BICRA: variants seen among roughly 807,000 people sequenced by gnomAD.
BICRA encodes BRD4 interacting chromatin remodeling complex associated protein.
A neutral mutation model predicts 96.9 loss-of-function variants in BICRA; 31 were observed. That is an observed-to-expected ratio of 0.32 (90% CI 0.24 to 0.43). The LOEUF is 0.43. BICRA is among the 20% of genes least tolerant of loss of function. BICRA has a pLI of 1.00. For synonymous variants in BICRA, 1,350 were observed against 1,071.8 expected, an observed-to-expected ratio of 1.26 and a Z score of -5.07; for missense variants, 2,283 against 2,190.3, an observed-to-expected ratio of 1.04 and a Z score of -0.84.
At chr19:47,631,875 G>A (rs185329832) in intron 1 of BICRA, among the ~76,000 whole-genome samples, 4 of 152,132 alleles carry the variant, frequency 2.6e-5, no homozygotes, top group East Asian at 1.9e-4. Flanking sequence ...TCTCAAAGTC[G>A]TGACCTCAGG....
At position 47,679,586 on chromosome 19, in the gene BICRA, G is replaced by T; in HGVS notation, c.416G>T (p.Gly139Val). The T allele has an allele frequency of 6.5e-7, 1 of 1,539,694 alleles. No homozygotes were observed. ...FQLPTLQPAD[G>V]GAGPTGAGGA... is the part of the protein sequence containing the mutation. ...CTGCCCACCCTGCAGCCTGCGGATGGCGGGGCAGGCCCGACGGGCGCTGGA... is the reference window on the plus strand; with the variant it reads ...CTGCCCACCCTGCAGCCTGCGGATGTCGGGGCAGGCCCGACGGGCGCTGGA... The change falls in exon 6 of 15, where the codon GGC becomes GTC. Residue 139 changes from glycine to valine, a missense_variant. Transcript: ENST00000594866.
chr19:47,644,126 C>T (rs1972422934), intron 1 of BICRA, among the ~76,000 whole-genome samples: 1 of 152,056 alleles, frequency 6.6e-6, no homozygotes, highest in Admixed American at 6.6e-5. Context: ...TCAAGGGATC[C>T]TTCCACCTCA....
At chr19:47,677,293 A>C (rs977360316) in intron 5 of BICRA, among the ~76,000 whole-genome samples, 1 of 152,176 alleles carries the variant, frequency 6.6e-6, no homozygotes, top group Non-Finnish European at 1.5e-5. Flanking sequence ...ATTGGTGGAG[A>C]TGGAAATCTG....
chr19:47,670,957 G>A (rs1432038684), intron 2 of BICRA, among the ~76,000 whole-genome samples: 1 of 152,058 alleles, frequency 6.6e-6, no homozygotes, highest in African/African-American at 2.4e-5. Context: ...AGCCCGGGAG[G>A]CACCTCCCCG....
intron 14 of BICRA, chr19:47,700,692 G>T (rs929687941): frequency 6.6e-6 from 1 of 152,042 alleles, no homozygotes; most frequent in Non-Finnish European, 1.5e-5. Context: ...TACTTGGGAG[G>T]CTGAGGCAGG....
In BICRA at chr19:47,680,944, G is replaced by A. The variant is rs921508964; in HGVS notation, c.1774G>A (p.Ala592Thr). The part of the protein sequence containing the change: ...VLQGVTLPPS[A>T]VAMLNTPDGL... ...CCAGGGGGTCACCCTGCCCCCCAGC[G>A]CCGTGGCCATGCTCAACACCCCCGA... Residue 592 changes from alanine (A) to threonine (T), a missense_variant, in exon 6 of 15, where the codon GCC becomes ACC. Physicochemically the swap from Ala to Thr is moderately conservative, Grantham distance 58. Coordinates refer to ENST00000594866, the MANE Select transcript of BICRA (RefSeq NM_001394372.1). 3.2e-5 allele frequency: 48 copies of A among 1,479,028 alleles called. No homozygotes were observed. The highest frequency in any genetic ancestry group is 4.1e-5 in the Non-Finnish European group (46 of 1,125,370). 91.6% of individuals were successfully genotyped at this position (1,479,028 alleles called of 1,614,324 possible).
intron 1 of BICRA, among the ~76,000 whole-genome samples, chr19:47,633,981 G>A (rs142908781): frequency 5.1e-4 from 78 of 152,274 alleles, no homozygotes; most frequent in African/African-American, 1.7e-3. Context: ...TTCAGAACAC[G>A]TCTCACTCCA....
At chr19:47,685,786 T>TGTGTGTGCGTGC in intron 7 of BICRA, among the ~76,000 whole-genome samples, 4 of 117,930 alleles carry the variant, frequency 3.4e-5, no homozygotes, top group Non-Finnish European at 6.7e-5. Context: ...TGTGTGTGTG[T>TGTGTGTGCGTGC]GCGCGCGCGC....
At chr19:47,639,205 A>G (rs1051271080) in intron 1 of BICRA, among the ~76,000 whole-genome samples, 6 of 150,284 alleles carry the variant, frequency 4.0e-5, no homozygotes, top group Non-Finnish European at 1.5e-5. Flanking sequence ...ATGAGGTTTC[A>G]TCATGTTGCC....
At chr19:47,693,642 T>A (rs1438138661) in intron 7 of BICRA, among the ~76,000 whole-genome samples, 2 of 152,162 alleles carry the variant, frequency 1.3e-5, no homozygotes, top group Non-Finnish European at 2.9e-5. Flanking sequence ...GATGGGCTGG[T>A]GGGGGCTGGC....
chr19:47,677,210 A>C (rs2914440), intron 5 of BICRA, among the ~76,000 whole-genome samples: 131,602 of 152,222 alleles, frequency 0.86, 57,390 homozygotes, highest in East Asian at 1. Flanking sequence ...GGGCCGGGTG[A>C]TACCGTGAAC....
intron 1 of BICRA, among the ~76,000 whole-genome samples, chr19:47,659,685 T>TACACACACACAC (rs10567798): frequency 9.1e-5 from 12 of 132,414 alleles, no homozygotes; most frequent in South Asian, 7.8e-4. Flanking sequence ...TGGTGGTGCA[T>TACACACACACAC]ACACACACAC....
In BICRA at chr19:47,682,168, CA is replaced by C; in HGVS notation, c.2283+17del. Reference sequence around the variant, plus strand: ...GGCCCCCCAGGTAGAGGGACCCCAGCAGCCTGTGTCCGCAGCACAGACCCAG... The same window carrying C: ...GGCCCCCCAGGTAGAGGGACCCCAGCGCCTGTGTCCGCAGCACAGACCCAG... On this transcript the variant is annotated intron_variant, in intron 7 of 14. Transcript: ENST00000594866. 7.8e-7 allele frequency: 1 copy of C among 1,285,856 alleles called. No individual in the cohort carries two copies. 79.7% of individuals were successfully genotyped at this position (1,285,856 alleles called of 1,614,324 possible).
At chr19:47,626,992 G>A (rs1972151433) in intron 1 of BICRA, among the ~76,000 whole-genome samples, 1 of 152,068 alleles carries the variant, frequency 6.6e-6, no homozygotes, top group African/African-American at 2.4e-5. Context: ...AGAGTGCTGG[G>A]ATTACAGGCG....
chr19:47,698,876 C>T lies in BICRA; in HGVS notation c.3398-89C>T, dbSNP rs1375977470. 7.5e-6 allele frequency: 10 copies of T among 1,333,704 alleles called. No individual in the cohort carries two copies. Among genetic ancestry groups the T allele is most frequent in the African/African-American group, 2.9e-5 (2 of 68,954 alleles). 82.6% of individuals were successfully genotyped at this position (1,333,704 alleles called of 1,614,324 possible). A position where few individuals can be genotyped will look rare whatever the true frequency, so the allele number is the denominator to read the frequency against. Reference sequence around the variant, plus strand: ...AGTGTGGAGCCGCAGGTCCACGGTGCGCTATGCTGACCCTGCCCCGCCCTC... The same window carrying T: ...AGTGTGGAGCCGCAGGTCCACGGTGTGCTATGCTGACCCTGCCCCGCCCTC... On this transcript the variant is annotated intron_variant, in intron 12 of 14. Coordinates refer to ENST00000594866, the MANE Select transcript of BICRA (RefSeq NM_001394372.1). This position sits in a 1 kb window ranked among gnomAD's most constrained non-coding sequence, Gnocchi z 4.8.
At chr19:47,645,527 G>T (rs191785445) in intron 1 of BICRA, among the ~76,000 whole-genome samples, 1 of 152,124 alleles carries the variant, frequency 6.6e-6, no homozygotes, top group Non-Finnish European at 1.5e-5. Flanking sequence ...TCAAGAAAAG[G>T]TTAAAGAAAA....
In BICRA at chr19:47,609,893, C is replaced by G. The variant is rs984858743; in HGVS notation, c.-108+725C>G. 3.9e-5 allele frequency among the ~76,000 whole-genome samples: 6 copies of G among 152,260 alleles called. No homozygotes were observed. The Middle Eastern group carries it at 0.01, about 259-fold the overall frequency. The stretch of plus-strand genomic sequence containing the variant: ...AAAGGAGTTGACTTGACCCCCAGCC[C>G]CCGGCAATAGAGGGAGGTGACCCCC... On this transcript the variant is annotated intron_variant, in intron 1 of 14. Transcript: ENST00000594866.
At position 47,669,036 on chromosome 19, in the gene BICRA, G is replaced by A. The variant is rs1034205208; in HGVS notation, c.-107-1407G>A. 2.6e-5 allele frequency among the ~76,000 whole-genome samples: 4 copies of A among 151,866 alleles called. No homozygotes were observed. In the South Asian group the frequency reaches 6.2e-4, roughly 24 times the overall value. On this transcript the variant is annotated intron_variant, in intron 1 of 14. Coordinates refer to ENST00000594866, the MANE Select transcript of BICRA (RefSeq NM_001394372.1). ...GGAAAATCACTTGAACCTGGGAGAC[G>A]GAGGTTGCAGTGAGCCGAGATCGCA...
chr19:47,641,070 ATTTT>A (rs71180861), intron 1 of BICRA, among the ~76,000 whole-genome samples: 34 of 104,514 alleles, frequency 3.3e-4, no homozygotes, highest in Non-Finnish European at 4.1e-4. Flanking sequence ...TGCCTGGCTA[ATTTT>A]TTTTTTTTTT....
Sources: allele counts gnomAD v4.1 joint callset (sites outside exome capture counted in the v4.1 genomes callset), GRCh38; gene constraint gnomAD v4.1.1; non-coding constraint Gnocchi (gnomAD v3.1); transcripts MANE v1.5; gene names NCBI Gene and HGNC (gene_info 2026-07-23, HGNC 2026-07-21).